Variants in ARHGAP15 observed in about 807,000 individuals in gnomAD.
The protein encoded by ARHGAP15 is Rho GTPase activating protein 15.
A neutral mutation model predicts 63.7 loss-of-function variants in ARHGAP15; 51 were observed. That is an observed-to-expected ratio of 0.80 (90% CI 0.64 to 1.01). The LOEUF (loss-of-function observed/expected upper bound fraction) is 1.01. Among genes scored for constraint, ARHGAP15 ranks in the 50% least tolerant of loss-of-function variants. The pLI is 0.00. For missense variants in ARHGAP15, 560 were observed against 564.6 expected (o/e 0.99, Z 0.08); for synonymous variants, 191 against 193.8 (o/e 0.99, Z 0.12).
intron 13 of ARHGAP15, among the ~76,000 whole-genome samples, chr2:143,735,425 G>A (rs1351437342): frequency 6.6e-6 from 1 of 152,142 alleles, no homozygotes; most frequent in South Asian, 2.1e-4. Context: ...AACTCTGCTT[G>A]CCTCTGGGTT....
chr2:143,286,441 G>T (rs1339977565), intron 6 of ARHGAP15, among the ~76,000 whole-genome samples: 2 of 152,078 alleles, frequency 1.3e-5, no homozygotes, highest in East Asian at 3.9e-4. Flanking sequence ...GTTTTTCTTT[G>T]TAATTTGACT....
intron 9 of ARHGAP15, among the ~76,000 whole-genome samples, chr2:143,503,267 ATCTTTT>A (rs1261112893): frequency 2.6e-5 from 4 of 152,184 alleles, no homozygotes; most frequent in South Asian, 2.1e-4. Context: ...CATGAAGAAA[ATCTTTT>A]TCTTTTTGTG....
chr2:143,688,830 A>T (rs566429486), intron 12 of ARHGAP15, among the ~76,000 whole-genome samples: 30 of 152,214 alleles, frequency 2.0e-4, no homozygotes, highest in African/African-American at 6.5e-4. Flanking sequence ...CTAAATGTTT[A>T]TTTTTTTAGT....
At chr2:143,385,516 C>T (rs1687243011) in intron 6 of ARHGAP15, among the ~76,000 whole-genome samples, 1 of 152,050 alleles carries the variant, frequency 6.6e-6, no homozygotes, top group Non-Finnish European at 1.5e-5. Flanking sequence ...AGGCATTTCA[C>T]CAAAGTTCAT....
In ARHGAP15 at chr2:143,514,305, A is replaced by G. The variant is rs968327624; in HGVS notation, c.827-4961A>G. Among the ~76,000 whole-genome samples, 6 of 152,152 alleles carry G rather than the reference A, an allele frequency of 3.9e-5. No homozygotes were observed. In the East Asian group the frequency reaches 5.8e-4, roughly 15 times the overall value. On this transcript the variant is annotated intron_variant, in intron 9 of 13. Transcript: ENST00000295095. ...TAGGTGTTCACTAAATAGTCACTGA[A>G]TGGAATTGGATGGAATTGGGTTAAT...
At chr2:143,484,448 C>T (rs1692228696) in intron 8 of ARHGAP15, among the ~76,000 whole-genome samples, 2 of 151,942 alleles carry the variant, frequency 1.3e-5, no homozygotes, top group African/African-American at 2.4e-5. Context: ...ACGAGAATCA[C>T]TTCAATTTGG....
At chr2:143,668,181 A>G (rs1682328749) in intron 12 of ARHGAP15, among the ~76,000 whole-genome samples, 1 of 152,170 alleles carries the variant, frequency 6.6e-6, no homozygotes, top group Non-Finnish European at 1.5e-5. Flanking sequence ...GATAGAAAGT[A>G]CTGTGTAGAT....
intron 5 of ARHGAP15, chr2:143,235,911 G>T: frequency 6.5e-7 from 1 of 1,529,992 alleles, no homozygotes; most frequent in South Asian, 1.2e-5. Flanking sequence ...TTTGCAGCTT[G>T]ACTCCTAAGT....
intron 6 of ARHGAP15, among the ~76,000 whole-genome samples, chr2:143,309,866 TTGTGTGTG>T (rs10562854): frequency 1.4e-4 from 21 of 149,106 alleles, no homozygotes; most frequent in Middle Eastern, 3.4e-3. Context: ...ATATATGAAC[TTGTGTGTG>T]TGTGTGTGTG....
Position 143,346,236 on chromosome 2 carries a change from T to TCA in ARHGAP15, c.475-89353_475-89352dup, listed in dbSNP as rs1050451199. Among the ~76,000 whole-genome samples the TCA allele has an allele frequency of 2.2e-3, 180 of 82,578 alleles. 1 individual carries two copies. Among genetic ancestry groups the TCA allele is most frequent in the African/African-American group, 6.7e-3 (137 of 20,500 alleles). The allele number at this position is 82,578 out of a possible 152,430, so 54.2% of individuals were successfully genotyped here. A position where few individuals can be genotyped will look rare whatever the true frequency, so the allele number is the denominator to read the frequency against. On this transcript the variant is annotated intron_variant, in intron 6 of 13. Coordinates refer to ENST00000295095, the MANE Select transcript of ARHGAP15 (RefSeq NM_018460.4). ...CACTCTCTCTCACACACACTCTCTC[T>TCA]CACACACACACACTCACACACACAC...
intron 5 of ARHGAP15, among the ~76,000 whole-genome samples, chr2:143,246,081 C>T (rs1413934815): frequency 2.6e-5 from 4 of 152,050 alleles, no homozygotes; most frequent in Admixed American, 6.6e-5. Context: ...GGAGGGGAGG[C>T]CATGGATTCC....
chr2:143,561,984 T>C (rs544568419), intron 11 of ARHGAP15, among the ~76,000 whole-genome samples: 5 of 152,226 alleles, frequency 3.3e-5, no homozygotes, highest in South Asian at 2.1e-4. Context: ...AGAGGATTTT[T>C]TTCATTAATT....
intron 6 of ARHGAP15, among the ~76,000 whole-genome samples, chr2:143,338,737 T>A (rs1684923044): frequency 6.6e-6 from 1 of 152,208 alleles, no homozygotes. Context: ...CCCAGATGTC[T>A]ATCAGGGAAA....
At chr2:143,509,565 A>G (rs1693485797) in intron 9 of ARHGAP15, among the ~76,000 whole-genome samples, 2 of 152,210 alleles carry the variant, frequency 1.3e-5, no homozygotes, top group East Asian at 1.9e-4. Flanking sequence ...GTCTTAATTC[A>G]AAAACATAGG....
intron 8 of ARHGAP15, among the ~76,000 whole-genome samples, chr2:143,444,599 C>T (rs894390865): frequency 2.0e-5 from 3 of 152,040 alleles, no homozygotes; most frequent in Non-Finnish European, 4.4e-5. Flanking sequence ...CGCTACTTTC[C>T]TTCAAAATTC....
At chr2:143,145,882 A>AAT (rs143451816) in intron 1 of ARHGAP15, among the ~76,000 whole-genome samples, 7 of 147,348 alleles carry the variant, frequency 4.8e-5, no homozygotes, top group East Asian at 2.0e-4. Flanking sequence ...GTGTGTGTAT[A>AAT]ATATATATAT....
chr2:143,230,761 C>T (rs141404022), intron 5 of ARHGAP15, among the ~76,000 whole-genome samples: 30 of 152,218 alleles, frequency 2.0e-4, no homozygotes, highest in Admixed American at 1.9e-3. Context: ...AACGATACAA[C>T]GATTGCCAGG....
chr2:143,662,089 G>C (rs1443010060), intron 12 of ARHGAP15, among the ~76,000 whole-genome samples: 1 of 152,252 alleles, frequency 6.6e-6, no homozygotes, highest in Non-Finnish European at 1.5e-5. Context: ...AGGCCTGCCT[G>C]CCTCTGTAGG....
At chr2:143,442,533 G>T (rs1295863732) in intron 8 of ARHGAP15, among the ~76,000 whole-genome samples, 4 of 152,096 alleles carry the variant, frequency 2.6e-5, no homozygotes, top group African/African-American at 9.7e-5. Flanking sequence ...TGGCAGGGAG[G>T]GAATTTAAAG....
Sources: gnomAD v4.1 joint callset for allele counts (sites outside exome capture counted in the v4.1 genomes callset) on GRCh38, gnomAD v4.1.1 for gene constraint, MANE v1.5 for transcripts, NCBI Gene and HGNC (gene_info 2026-07-23, HGNC 2026-07-21) for gene names.